Variants in CPE observed in about 807,000 individuals in gnomAD.
CPE encodes carboxypeptidase E.
Under a neutral mutation model 53.5 loss-of-function variants are expected in CPE, and 17 were observed. The ratio of observed to expected loss-of-function variants is 0.32; its 90% CI spans 0.22 to 0.48. The LOEUF is 0.48. Ranked by LOEUF, CPE falls within the 20% of genes least tolerant of loss-of-function variation. The pLI is 0.99. For missense variants in CPE, 524 were observed against 614.7 expected (o/e 0.85, Z 1.56); for synonymous variants, 226 against 228.8 (o/e 0.99, Z 0.11).
intron 1 of CPE, among the ~76,000 whole-genome samples, chr4:165,459,687 G>T (rs1731963917): frequency 1.6e-5 from 2 of 124,918 alleles, no homozygotes; most frequent in Admixed American, 1.6e-4. Flanking sequence ...GGGGGGGCGG[G>T]GCAGATCATG....
rs757266004 is a variant in CPE, at chr4:165,379,266, A to T, written c.45A>T (p.Ala15=). 1 of 1,450,884 alleles carries T rather than the reference A, an allele frequency of 6.9e-7. No individual in the cohort carries two copies. The highest frequency in any genetic ancestry group is 9.0e-7 in the Non-Finnish European group (1 of 1,112,310). The allele number at this position is 1,450,884 out of a possible 1,614,324, so 89.9% of individuals were successfully genotyped here. Residue 15 remains alanine (A), a synonymous_variant, in exon 1 of 9, where the codon GCA becomes GCT. Transcript: ENST00000402744. The surrounding 1 kb of genome is among the most constrained non-coding windows in gnomAD (Gnocchi z 6.0). ...GCGCGCTGCTGGCTCTGTGCGGGGC[A>T]CTGGCTGCCTGCGGGTGGCTCCTGG... ...GGSALLALCG[A]LAACGWLLGA... is the part of the protein sequence containing the mutation.
chr4:165,447,908 G>A (rs1438611201), intron 1 of CPE, among the ~76,000 whole-genome samples: 2 of 152,140 alleles, frequency 1.3e-5, no homozygotes, highest in African/African-American at 2.4e-5. Flanking sequence ...CTAGGCAATG[G>A]GAAATCTTCA....
At chr4:165,465,046 G>C (rs1732074118) in intron 2 of CPE, among the ~76,000 whole-genome samples, 1 of 152,146 alleles carries the variant, frequency 6.6e-6, no homozygotes, top group Non-Finnish European at 1.5e-5. Flanking sequence ...TGTTTACTTG[G>C]TTTTTACATA....
At chr4:165,404,426 T>G (rs751227323) in intron 1 of CPE, 1 of 765,276 alleles carries the variant, frequency 1.3e-6, no homozygotes. Context: ...ATTCTTATTC[T>G]TCACACTCTC....
intron 6 of CPE, among the ~76,000 whole-genome samples, chr4:165,492,295 T>A (rs1732620884): frequency 6.6e-6 from 1 of 152,238 alleles, no homozygotes; most frequent in Admixed American, 6.5e-5. Context: ...ACAGTATATA[T>A]CTTTTTATCC....
chr4:165,436,819 T>A (rs1731510085), intron 1 of CPE, among the ~76,000 whole-genome samples: 1 of 152,196 alleles, frequency 6.6e-6, no homozygotes, highest in South Asian at 2.1e-4. Flanking sequence ...AAAATAGTTT[T>A]AAAATAAATC....
intron 2 of CPE, among the ~76,000 whole-genome samples, chr4:165,467,166 T>G (rs1340360896): frequency 6.6e-6 from 1 of 151,750 alleles, no homozygotes; most frequent in Non-Finnish European, 1.5e-5. Flanking sequence ...TTACCAAAAA[T>G]AAAAAACTTA....
At chr4:165,452,290 T>C (rs992308460) in intron 1 of CPE, among the ~76,000 whole-genome samples, 2 of 152,170 alleles carry the variant, frequency 1.3e-5, no homozygotes, top group African/African-American at 4.8e-5. Context: ...AAGAGAAGAA[T>C]TGCAATGTTT....
chr4:165,391,784 G>C (rs1730683665), intron 1 of CPE, among the ~76,000 whole-genome samples: 1 of 152,054 alleles, frequency 6.6e-6, no homozygotes, highest in Non-Finnish European at 1.5e-5. Flanking sequence ...AGAAACAACA[G>C]TATTTTACCA....
chr4:165,487,243 C>T (rs1326944135), intron 5 of CPE, among the ~76,000 whole-genome samples, 195 bp from the exon 6 acceptor site: 1 of 152,160 alleles, frequency 6.6e-6, no homozygotes, highest in African/African-American at 2.4e-5. Flanking sequence ...AGAGTTTGTG[C>T]TTTTAAGGTA....
At chr4:165,471,831 A>C (rs879863662) in intron 3 of CPE, among the ~76,000 whole-genome samples, 6 of 152,210 alleles carry the variant, frequency 3.9e-5, no homozygotes, top group Non-Finnish European at 7.3e-5. Context: ...TGGCTCTATA[A>C]GTCAAATTTG....
At chr4:165,443,297 C>G (rs1424533241) in intron 1 of CPE, among the ~76,000 whole-genome samples, 1 of 152,170 alleles carries the variant, frequency 6.6e-6, no homozygotes, top group Non-Finnish European at 1.5e-5. Context: ...TTCCAACATC[C>G]TATCAAATTG....
At chr4:165,383,869 C>T (rs1560864902) in intron 1 of CPE, among the ~76,000 whole-genome samples, 1 of 152,202 alleles carries the variant, frequency 6.6e-6, no homozygotes, top group Non-Finnish European at 1.5e-5. Flanking sequence ...TCTAGACCTA[C>T]CACACATGGT....
chr4:165,413,577 G>A (rs1189846510), intron 1 of CPE, among the ~76,000 whole-genome samples: 1 of 152,158 alleles, frequency 6.6e-6, no homozygotes, highest in East Asian at 1.9e-4. Context: ...CTTTAAGCAA[G>A]TTACTTAACT....
At chr4:165,475,992 C>A (rs1732293104) in intron 3 of CPE, among the ~76,000 whole-genome samples, 1 of 152,140 alleles carries the variant, frequency 6.6e-6, no homozygotes, top group Non-Finnish European at 1.5e-5. Flanking sequence ...AGGTCCTTTA[C>A]CACTGGGAAA....
intron 1 of CPE, among the ~76,000 whole-genome samples, chr4:165,407,927 C>G (rs1285320283): frequency 6.6e-6 from 1 of 151,694 alleles, no homozygotes; most frequent in African/African-American, 2.4e-5. Context: ...GGGATCCTCT[C>G]ACCTCAGCCT....
At chr4:165,392,778 T>C (rs917540289) in intron 1 of CPE, among the ~76,000 whole-genome samples, 6 of 148,626 alleles carry the variant, frequency 4.0e-5, no homozygotes, top group African/African-American at 1.5e-4. Flanking sequence ...ACCCCAAAAC[T>C]GCATTCTCTA....
chr4:165,490,651 AAAAG>A (rs1328456934), intron 6 of CPE, among the ~76,000 whole-genome samples: 1 of 151,104 alleles, frequency 6.6e-6, no homozygotes. Flanking sequence ...AAAAAAAAAA[AAAAG>A]AATGGTTCAT....
chr4:165,406,134 C>T, intron 1 of CPE: 2 of 749,406 alleles, frequency 2.7e-6, no homozygotes, highest in Non-Finnish European at 5.0e-6. Context: ...TCCGTGAACT[C>T]TGAATGCAGC....
Sources: gnomAD v4.1 joint callset for allele counts (sites outside exome capture counted in the v4.1 genomes callset) on GRCh38, gnomAD v4.1.1 for gene constraint, Gnocchi (gnomAD v3.1) non-coding constraint, MANE v1.5 for transcripts, NCBI Gene and HGNC (gene_info 2026-07-23, HGNC 2026-07-21) for gene names.